Variants in GALK1 observed in about 807,000 individuals in gnomAD.
GALK1 encodes the protein galactokinase 1, also known as galactokinase.
GALK1 carries 30 observed loss-of-function variants against 38.6 expected under a neutral mutation model. The ratio of observed to expected loss-of-function variants is 0.78; its 90% confidence interval spans 0.58 to 1.05. The LOEUF is 1.05. Ranked by LOEUF, GALK1 falls within the 50% of genes least tolerant of loss-of-function variation. The pLI, the probability that GALK1 is intolerant of heterozygous loss-of-function variation, is 0.00. For synonymous variants in GALK1, 240 were observed against 233.6 expected, an observed-to-expected ratio of 1.03 and a Z score of -0.25; for missense variants, 512 against 540.5, an observed-to-expected ratio of 0.95 and a Z score of 0.52.
downstream of GALK1, chr17:75,753,870 G>A: frequency 1.5e-6 from 2 of 1,351,656 alleles, no homozygotes; most frequent in South Asian, 2.0e-5. Context: ...GCCAGCAGCG[G>A]GCGCTCCTCC....
At chr17:75,764,254 G>C (rs986973873) in intron 1 of GALK1, 168 bp from the exon 2 acceptor site, 4 of 790,494 alleles carry the variant, frequency 5.1e-6, no homozygotes, top group Non-Finnish European at 9.0e-6. Flanking sequence ...TTGGGGGCTT[G>C]AGCCCTGCCC....
chr17:75,757,810 C>A, downstream of GALK1: 1 of 661,852 alleles, frequency 1.5e-6, no homozygotes, highest in South Asian at 1.9e-5. Flanking sequence ...AATGGTTTTG[C>A]TACTGCTAGG....
chr17:75,763,830 G>C, intron 2 of GALK1, 67 bp downstream of exon 2: 1 of 1,409,116 alleles, frequency 7.1e-7, no homozygotes, highest in South Asian at 1.2e-5. Flanking sequence ...CAAATGAATG[G>C]GCTCTGTGGC....
Position 75,757,903 on chromosome 17 carries a change from A to G in GALK1, c.*153T>C, listed in dbSNP as rs1339047663. 2.7e-5 allele frequency: 23 copies of G among 865,818 alleles called. No individual in the cohort carries two copies. The highest frequency in any genetic ancestry group is 4.0e-5 in the Non-Finnish European group (22 of 544,528). 53.6% of individuals were successfully genotyped at this position (865,818 alleles called of 1,614,324 possible). On this transcript the variant is annotated 3_prime_UTR_variant, in exon 8 of 8. Transcript: ENST00000588479. ...GTTCTGACATCCCCCATTCTCTGAC[A>G]CCCAAGCATACACCCACCTCTAGAG...
intron 5 of GALK1, among the ~76,000 whole-genome samples, chr17:75,760,601 A>G (rs2061583174): frequency 6.6e-6 from 1 of 150,424 alleles, no homozygotes. Flanking sequence ...CCCAGTGTCC[A>G]CTAAAAATAC....
downstream of GALK1, chr17:75,754,613 G>A (rs765826823): frequency 3.0e-5 from 48 of 1,613,712 alleles, no homozygotes; most frequent in East Asian, 6.7e-5. Context: ...TTGCCTTCCC[G>A]GGCAGCACCA....
At chr17:75,755,656 C>T (rs2061480111), downstream of GALK1, 14 of 1,610,662 alleles carry the variant, frequency 8.7e-6, no homozygotes, top group Non-Finnish European at 1.2e-5. Flanking sequence ...CCCACTGAGA[C>T]CCTAGCCCCT....
downstream of GALK1, chr17:75,754,961 C>CAAAT (rs3988219): frequency 1.6e-5 from 25 of 1,531,472 alleles, no homozygotes; most frequent in Admixed American, 1.8e-5. Flanking sequence ...CACGTGCACA[C>CAAAT]GCATGCACAC....
chr17:75,762,838 ACGG>A lies in GALK1; in HGVS notation c.656_658del (p.Ala219del). On this transcript the variant is annotated inframe_deletion, in exon 5 of 8. Transcript: ENST00000588479. Reference sequence around the variant, plus strand: ...GCGGACATTAGAGTTGGTGATGAGCACGGCCAGCTTGGGGTCCGAGAGTGGCAC... The same window carrying A: ...GCGGACATTAGAGTTGGTGATGAGCACCAGCTTGGGGTCCGAGAGTGGCAC... 6.2e-7 allele frequency: 1 copy of A among 1,613,656 alleles called. No homozygotes were observed. The highest frequency in any genetic ancestry group is 8.5e-7 in the Non-Finnish European group (1 of 1,179,882).
downstream of GALK1, chr17:75,755,050 C>T (rs762655354): frequency 2.5e-6 from 4 of 1,594,356 alleles, no homozygotes; most frequent in South Asian, 3.4e-5. Context: ...TTTGTCCTGC[C>T]CTAGGCCTCC....
At chr17:75,764,294 A>C (rs1381675480) in intron 1 of GALK1, 2 of 757,408 alleles carry the variant, frequency 2.6e-6, no homozygotes, top group Non-Finnish European at 2.4e-6. Flanking sequence ...GGGCGGCTGC[A>C]GCTGGAGCAC....
chr17:75,763,336 G>A lies in GALK1; in HGVS notation c.459C>T (p.Leu153=), dbSNP rs147800408. Reference sequence around the variant, plus strand: ...AGCTGGTACCTGGACAGAGCTGCTGGAGGAAGGTGTACGTGGCCACTTCCA... The same window carrying A: ...AGCTGGTACCTGGACAGAGCTGCTGAAGGAAGGTGTACGTGGCCACTTCCA... ...ASLEVATYTF[L]QQLCPDSGTI... The change falls in exon 3 of 8, where the codon CTC becomes CTT. Residue 153 remains leucine, a synonymous_variant. Coordinates refer to ENST00000588479, the MANE Select transcript of GALK1 (RefSeq NM_000154.2). 6.2e-7 allele frequency: 1 copy of A among 1,613,902 alleles called. No homozygotes were observed. The highest frequency in any genetic ancestry group is 8.5e-7 in the Non-Finnish European group (1 of 1,179,996).
At chr17:75,758,959 G>A (rs1404993543) in intron 5 of GALK1, among the ~76,000 whole-genome samples, 1 of 152,216 alleles carries the variant, frequency 6.6e-6, no homozygotes, top group Non-Finnish European at 1.5e-5. Flanking sequence ...GGGGGCAGAA[G>A]CAGCCAGGGA....
At chr17:75,757,366 G>C (rs139796235), downstream of GALK1, 1 of 1,612,888 alleles carries the variant, frequency 6.2e-7, no homozygotes, top group South Asian at 1.1e-5. Context: ...GCTAGCAGAG[G>C]GAGAAGGGCA....
chr17:75,752,661 G>C (rs939918141), intron 8 of GALK1: 1 of 1,551,566 alleles, frequency 6.4e-7, no homozygotes, highest in Non-Finnish European at 8.8e-7. Context: ...AGGGCAAAGG[G>C]GCCAGCAACT....
downstream of GALK1, chr17:75,757,619 TCC>T: frequency 6.2e-7 from 1 of 1,602,092 alleles, no homozygotes; most frequent in South Asian, 1.1e-5. Flanking sequence ...TCCCGGAGCC[TCC>T]TCAGCTACTC....
chr17:75,751,702 C>T, exon 9 of GALK1: 1 of 229,248 alleles, frequency 4.4e-6, no homozygotes, highest in Non-Finnish European at 8.8e-6. Context: ...GATCGTGTTA[C>T]CGCACTCCAG....
At chr17:75,764,875 C>G in intron 1 of GALK1, 97 bp downstream of exon 1, 2 of 1,372,878 alleles carry the variant, frequency 1.5e-6, no homozygotes, top group Non-Finnish European at 2.0e-6. Flanking sequence ...CCACATCTCC[C>G]GCGGGAAGAA....
intron 5 of GALK1, among the ~76,000 whole-genome samples, chr17:75,759,478 G>T (rs1025687181): frequency 6.6e-6 from 1 of 151,978 alleles, no homozygotes; most frequent in South Asian, 2.1e-4. Flanking sequence ...GAGACAGTGG[G>T]TGGTGTTTTA....
Sources: gnomAD v4.1 joint callset for allele counts (sites outside exome capture counted in the v4.1 genomes callset) on GRCh38, gnomAD v4.1.1 for gene constraint, MANE v1.5 for transcripts, NCBI Gene and HGNC (gene_info 2026-07-23, HGNC 2026-07-21) for gene names.